Variants in SCN7A observed in about 807,000 individuals in gnomAD.
SCN7A encodes the protein sodium voltage-gated channel alpha subunit 7, also known as sodium channel protein type 7 subunit alpha.
In SCN7A, 138 loss-of-function variants were observed where a neutral mutation model predicts 155.2. That is an observed-to-expected ratio of 0.89 (90% CI 0.77 to 1.02). The LOEUF is 1.02. Ranked by LOEUF, SCN7A falls within the 50% of genes least tolerant of loss-of-function variation. The pLI is 0.00. For synonymous variants in SCN7A, 693 were observed against 649.0 expected, an observed-to-expected ratio of 1.07 and a Z score of -1.03; for missense variants, 2,058 against 1,986.6, an observed-to-expected ratio of 1.04 and a Z score of -0.68.
chr2:166,449,837 T>G (rs1702140731), intron 11 of SCN7A, among the ~76,000 whole-genome samples: 1 of 152,132 alleles, frequency 6.6e-6, no homozygotes, highest in African/African-American at 2.4e-5. Flanking sequence ...GGTGAGGTTG[T>G]GGAGAAATTG....
intron 14 of SCN7A, 78 bp downstream of exon 14, chr2:166,443,425 A>G (rs1441928401): frequency 7.4e-6 from 9 of 1,222,602 alleles, no homozygotes; most frequent in Non-Finnish European, 1.0e-5. Context: ...GATAGGTATT[A>G]CTGTAACCCC....
intron 1 of SCN7A, among the ~76,000 whole-genome samples, chr2:166,492,464 C>T (rs1007947543): frequency 6.6e-6 from 1 of 152,110 alleles, no homozygotes; most frequent in African/African-American, 2.4e-5. Flanking sequence ...CCCCAGGAAA[C>T]AGGACTACAG....
chr2:166,457,490 A>G (rs1209262909), intron 10 of SCN7A, among the ~76,000 whole-genome samples: 1 of 133,536 alleles, frequency 7.5e-6, no homozygotes, highest in African/African-American at 2.5e-5. Flanking sequence ...GAATGTTTGG[A>G]GATTTTTTTT....
chr2:166,453,215 G>T (rs967357327), intron 11 of SCN7A, among the ~76,000 whole-genome samples: 3 of 152,092 alleles, frequency 2.0e-5, no homozygotes, highest in Admixed American at 2.0e-4. Flanking sequence ...ACCTCAAAGG[G>T]TTGTCACAGT....
chr2:166,430,106 G>A (rs571098273), intron 16 of SCN7A, among the ~76,000 whole-genome samples: 19 of 151,906 alleles, frequency 1.3e-4, no homozygotes, highest in South Asian at 2.1e-4. Context: ...TAAGGCAAGC[G>A]CATTTTAACA....
Position 166,412,627 on chromosome 2 carries a change from T to C in SCN7A, c.3509A>G (p.Tyr1170Cys). Residue 1170 changes from tyrosine (Y) to cysteine (C), a missense_variant, in exon 23 of 26, where the codon TAT becomes TGT. Physicochemically the swap from Tyr to Cys is radical, Grantham distance 194. Transcript: ENST00000643258. ...TATAATAAAGTTGATAAAGTAACAA[T>C]ACATGTAGATGTTGACTTCAAAATG... ...QPHFEVNIYMYCYFINFIIFG... is the reference protein window; with the variant it reads ...QPHFEVNIYMCCYFINFIIFG... The C allele has an allele frequency of 6.6e-7, 1 of 1,523,040 alleles. No individual in the cohort carries two copies. The highest frequency in any genetic ancestry group is 8.8e-7 in the Non-Finnish European group (1 of 1,137,502). 94.3% of individuals were successfully genotyped at this position (1,523,040 alleles called of 1,614,324 possible).
intron 19 of SCN7A, among the ~76,000 whole-genome samples, chr2:166,422,825 G>C (rs1310152665): frequency 6.6e-6 from 1 of 152,134 alleles, no homozygotes; most frequent in African/African-American, 2.4e-5. Flanking sequence ...ATGCAGGGCA[G>C]AAGCAGGGAC....
chr2:166,450,570 G>A (rs1458123851), intron 11 of SCN7A, among the ~76,000 whole-genome samples: 1 of 152,186 alleles, frequency 6.6e-6, no homozygotes, highest in Non-Finnish European at 1.5e-5. Flanking sequence ...GGGAGGCCGA[G>A]GCGAGCAGAT....
At chr2:166,480,937 G>A (rs1204346429) in intron 2 of SCN7A, among the ~76,000 whole-genome samples, 2 of 152,042 alleles carry the variant, frequency 1.3e-5, no homozygotes, top group African/African-American at 4.8e-5. Context: ...GTATTTGAAC[G>A]TTAGTAAGTC....
Position 166,409,941 on chromosome 2 carries a change from G to T in SCN7A, c.3712-6C>A. 1.3e-6 allele frequency: 2 copies of T among 1,551,320 alleles called. No individual in the cohort carries two copies. The highest frequency in any genetic ancestry group is 1.7e-6 in the Non-Finnish European group (2 of 1,146,764). ...ATGAATCCTTGGAGCTTGTTCTGTG[G>T]GTAAAATCAACAGGTGTAATAGTCT... is the stretch of plus-strand genomic sequence containing the variant. On this transcript the variant is annotated splice_polypyrimidine_tract_variant and splice_region_variant and intron_variant, in intron 24 of 25. Coordinates refer to ENST00000643258, the MANE Select transcript of SCN7A (RefSeq NM_002976.4).
In SCN7A at chr2:166,465,136, G is replaced by A. The variant is rs151084866; in HGVS notation, c.941+326C>T. On this transcript the variant is annotated intron_variant, in intron 9 of 25. Transcript: ENST00000643258. ...AGGCCTGAGAGAAACCTCTGGCCTC[G>A]TCTGCTATGTGAGGACACAGCAAAA... 7.9e-5 allele frequency among the ~76,000 whole-genome samples: 12 copies of A among 152,240 alleles called. No homozygotes were observed. In the East Asian group the frequency reaches 1.7e-3, roughly 22 times the overall value.
rs1701755962 is a variant in SCN7A at position 166,432,578 on chromosome 2, T to C, written c.2332A>G (p.Met778Val). Residue 778 changes from methionine (M) to valine (V), a missense_variant, in exon 16 of 26, where the codon ATG becomes GTG. Physicochemically the swap from Met to Val is conservative, Grantham distance 21 (BLOSUM62 1). Coordinates refer to ENST00000643258, the MANE Select transcript of SCN7A (RefSeq NM_002976.4). ...ACATATACCTCATTTACATGGTCCATTGTGTCCTTTGGGACATTTTGTGTT... is the reference window on the plus strand; with the variant it reads ...ACATATACCTCATTTACATGGTCCACTGTGTCCTTTGGGACATTTTGTGTT... ...CKTQNVPKDTMDHVNEVYVKE... is the reference protein window; with the variant it reads ...CKTQNVPKDTVDHVNEVYVKE... 3 of 1,613,370 alleles carry C rather than the reference T, an allele frequency of 1.9e-6. No individual in the cohort carries two copies. The highest frequency in any genetic ancestry group is 1.1e-5 in the South Asian group (1 of 91,012).
intron 25 of SCN7A, among the ~76,000 whole-genome samples, chr2:166,409,050 A>G (rs184153191): frequency 2.4e-4 from 37 of 152,116 alleles, no homozygotes; most frequent in African/African-American, 8.7e-4. Flanking sequence ...ACACATTAAA[A>G]TGTACTGTTT....
chr2:166,409,557 C>CTA, intron 25 of SCN7A, 108 bp downstream of exon 25: 1 of 868,738 alleles, frequency 1.2e-6, no homozygotes, highest in Non-Finnish European at 1.7e-6. Flanking sequence ...TATTAGGAGA[C>CTA]TATATTTCAT....
chr2:166,418,193 T>G (rs1701420642), intron 20 of SCN7A, among the ~76,000 whole-genome samples: 1 of 150,746 alleles, frequency 6.6e-6, no homozygotes, highest in Non-Finnish European at 1.5e-5. Context: ...CGATCTTGGC[T>G]CACTGCAATC....
chr2:166,433,900 A>C (rs1269747511), intron 15 of SCN7A, among the ~76,000 whole-genome samples: 2 of 152,158 alleles, frequency 1.3e-5, no homozygotes, highest in African/African-American at 4.8e-5. Context: ...CTTATTTTTA[A>C]CTCAAAGATA....
rs770329041 is a variant in SCN7A at position 166,406,145 on chromosome 2, A to T, written c.4484T>A (p.Val1495Asp). ...LIIVNMYIVV[V>D]MEFLNIASKK... ...AGAAGCAATATTTAAAAACTCCATG[A>T]CAACAACAATGTACATATTTACAAT... is the stretch of plus-strand genomic sequence containing the variant. Residue 1495 changes from valine to aspartate, a missense_variant, in exon 26 of 26, where the codon GTC becomes GAC. By Grantham distance (152) the Val-to-Asp change is radical. Coordinates refer to ENST00000643258, the MANE Select transcript of SCN7A (RefSeq NM_002976.4). 35 of 1,611,914 alleles carry T rather than the reference A, an allele frequency of 2.2e-5. 2 individuals are homozygous for T. Among genetic ancestry groups the T allele is most frequent in the Non-Finnish European group, 3.0e-5 (35 of 1,178,894 alleles).
At chr2:166,473,280 C>T (rs1338988003) in intron 5 of SCN7A, among the ~76,000 whole-genome samples, 2 of 151,570 alleles carry the variant, frequency 1.3e-5, no homozygotes, top group East Asian at 3.9e-4. Context: ...CAAATTTGCT[C>T]CCTATAGGGA....
intron 21 of SCN7A, among the ~76,000 whole-genome samples, chr2:166,413,542 G>A (rs1243183318): frequency 6.6e-6 from 1 of 151,998 alleles, no homozygotes; most frequent in Non-Finnish European, 1.5e-5. Context: ...AAAAAGTAGT[G>A]ACTTGGGTTG....
Sources: allele counts gnomAD v4.1 joint callset (sites outside exome capture counted in the v4.1 genomes callset), GRCh38; gene constraint gnomAD v4.1.1; transcripts MANE v1.5; gene names NCBI Gene and HGNC (gene_info 2026-07-23, HGNC 2026-07-21).